The following MARCHF4 variants were observed in gnomAD, a reference collection of about 807,000 sequenced individuals.
The protein encoded by MARCHF4 is E3 ubiquitin-protein ligase MARCHF4.
MARCHF4 carries 14 observed loss-of-function variants against 43.9 expected under a neutral mutation model. The ratio of observed to expected loss-of-function variants is 0.32; its 90% confidence interval spans 0.21 to 0.50. The LOEUF is 0.50. Ranked by LOEUF, MARCHF4 falls within the 20% of genes least tolerant of loss-of-function variation. The probability of loss-of-function intolerance (pLI) is 0.98; values close to 1 mark genes in which losing one functional copy is unlikely to be tolerated. For synonymous variants in MARCHF4, 226 were observed against 213.3 expected, an observed-to-expected ratio of 1.06 and a Z score of -0.52; for missense variants, 468 against 536.7, an observed-to-expected ratio of 0.87 and a Z score of 1.27.
chr2:216,345,527 C>A lies in MARCHF4; in HGVS notation c.516+24218G>T, dbSNP rs372507337. On this transcript the variant is annotated intron_variant, in intron 1 of 3. Coordinates refer to ENST00000273067, the MANE Select transcript of MARCHF4 (RefSeq NM_020814.3). ...CTTCCCCCTTCCTGGGATTTGCAAC[C>A]CTGTCTGCACATTGGAATAACCTAG... Among the ~76,000 whole-genome samples, 11 of 152,228 alleles carry A rather than the reference C, an allele frequency of 7.2e-5. No individual in the cohort carries two copies. In the East Asian group the frequency reaches 1.5e-3, roughly 21 times the overall value.
chr2:216,283,762 A>C (rs1691172910), intron 1 of MARCHF4, 33 bp from the exon 2 acceptor site: 1 of 1,553,030 alleles, frequency 6.4e-7, no homozygotes, highest in African/African-American at 1.3e-5. Flanking sequence ...GATGAGGCTG[A>C]GACCTACAGT....
At chr2:216,303,649 A>T (rs1691532755) in intron 1 of MARCHF4, 1 of 152,162 alleles carries the variant, frequency 6.6e-6, no homozygotes, top group Admixed American at 6.6e-5. Context: ...ACAAGCTCTG[A>T]GGAAGGTTAG....
At chr2:216,354,935 C>CT (rs1215791548) in intron 1 of MARCHF4, among the ~76,000 whole-genome samples, 1 of 135,438 alleles carries the variant, frequency 7.4e-6, no homozygotes, top group Non-Finnish European at 1.6e-5. Flanking sequence ...TTCTTTCTTT[C>CT]TTTCTTTCTT....
intron 1 of MARCHF4, among the ~76,000 whole-genome samples, chr2:216,327,207 A>ACAGTT (rs138002577): frequency 0.019 from 2,933 of 152,174 alleles, 38 homozygotes; most frequent in Non-Finnish European, 0.027. Context: ...TTTTAACTGG[A>ACAGTT]CAGTTCAATA....
chr2:216,345,475 T>G (rs1452924311), intron 1 of MARCHF4, among the ~76,000 whole-genome samples: 1 of 152,134 alleles, frequency 6.6e-6, no homozygotes, highest in Non-Finnish European at 1.5e-5. Context: ...TCAATCAGCC[T>G]TTATCATCAA....
At chr2:216,270,239 C>T (rs778295646) in intron 3 of MARCHF4, among the ~76,000 whole-genome samples, 31 of 152,232 alleles carry the variant, frequency 2.0e-4, no homozygotes, top group Admixed American at 3.9e-4. Flanking sequence ...CCATGCCTGG[C>T]TAATTTTTTA....
intron 1 of MARCHF4, among the ~76,000 whole-genome samples, chr2:216,299,156 A>G (rs77646113): frequency 0.049 from 7,446 of 151,298 alleles, 595 homozygotes; most frequent in African/African-American, 0.17. Flanking sequence ...GGAAGGAGTG[A>G]GATGTGGCTG....
intron 1 of MARCHF4, among the ~76,000 whole-genome samples, chr2:216,317,572 C>A (rs890463152): frequency 1.9e-4 from 29 of 152,128 alleles, no homozygotes; most frequent in African/African-American, 6.5e-4. Context: ...AGCCACAACG[C>A]CTGGCTAATT....
At chr2:216,290,755 T>C (rs1691294558) in intron 1 of MARCHF4, among the ~76,000 whole-genome samples, 1 of 152,152 alleles carries the variant, frequency 6.6e-6, no homozygotes, top group South Asian at 2.1e-4. Flanking sequence ...GATTTGCTGA[T>C]GGATTGGATG....
chr2:216,363,061 A>G (rs1014662925), intron 1 of MARCHF4, among the ~76,000 whole-genome samples: 1 of 151,896 alleles, frequency 6.6e-6, no homozygotes, highest in Non-Finnish European at 1.5e-5. Context: ...GGGCTTTTCC[A>G]GCATACCAGC....
intron 1 of MARCHF4, among the ~76,000 whole-genome samples, chr2:216,303,158 A>C (rs896973035): frequency 6.6e-6 from 1 of 152,210 alleles, no homozygotes; most frequent in African/African-American, 2.4e-5. Context: ...CCAAAATGGC[A>C]AGAACGTCAT....
chr2:216,295,012 G>T (rs1043402285), intron 1 of MARCHF4, among the ~76,000 whole-genome samples: 2 of 152,142 alleles, frequency 1.3e-5, no homozygotes, highest in Non-Finnish European at 2.9e-5. Context: ...TTCTGCTATT[G>T]TTGCAGCCTC....
intron 1 of MARCHF4, among the ~76,000 whole-genome samples, chr2:216,290,430 G>A (rs530884997): frequency 1.3e-5 from 2 of 152,272 alleles, no homozygotes; most frequent in East Asian, 1.9e-4. Flanking sequence ...AAGAGGAGCC[G>A]AAAATGAAGT....
intron 1 of MARCHF4, among the ~76,000 whole-genome samples, chr2:216,364,415 C>T (rs943090279): frequency 6.6e-6 from 1 of 152,130 alleles, no homozygotes; most frequent in Non-Finnish European, 1.5e-5. Context: ...TCCCCTTAGA[C>T]CCAGGCAAGA....
At chr2:216,364,980 GC>G (rs1692642419) in intron 1 of MARCHF4, among the ~76,000 whole-genome samples, 1 of 152,200 alleles carries the variant, frequency 6.6e-6, no homozygotes, top group East Asian at 1.9e-4. Context: ...TGGTATGTGA[GC>G]TTCCATTTAT....
At chr2:216,317,661 C>T (rs546184780) in intron 1 of MARCHF4, among the ~76,000 whole-genome samples, 1 of 152,204 alleles carries the variant, frequency 6.6e-6, no homozygotes, top group Admixed American at 6.5e-5. Flanking sequence ...TGATCCACCC[C>T]CCTTGGCCTC....
At chr2:216,262,680 G>C (rs182076730) in intron 3 of MARCHF4, among the ~76,000 whole-genome samples, 1 of 152,218 alleles carries the variant, frequency 6.6e-6, no homozygotes, top group African/African-American at 2.4e-5. Context: ...TGGAGGAAAA[G>C]ATCTTTGGAG....
chr2:216,275,343 GC>G (rs1255805470), intron 3 of MARCHF4, among the ~76,000 whole-genome samples: 1 of 152,166 alleles, frequency 6.6e-6, no homozygotes, highest in East Asian at 1.9e-4. Context: ...GAGCGGGAGT[GC>G]TGGGAGGCTC....
At chr2:216,359,180 CAT>C (rs903293673) in intron 1 of MARCHF4, among the ~76,000 whole-genome samples, 4 of 152,184 alleles carry the variant, frequency 2.6e-5, no homozygotes, top group African/African-American at 9.7e-5. Flanking sequence ...ATATAGGACT[CAT>C]AGTTCTCAGA....
Sources: gnomAD v4.1 joint callset for allele counts (sites outside exome capture counted in the v4.1 genomes callset) on GRCh38, gnomAD v4.1.1 for gene constraint, MANE v1.5 for transcripts, NCBI Gene and HGNC (gene_info 2026-07-23, HGNC 2026-07-21) for gene names.